The following CDH26 variants were observed in gnomAD, a reference collection of about 807,000 sequenced individuals.
The protein encoded by CDH26 is cadherin-like protein 26.
CDH26 carries 83 observed loss-of-function variants against 90.3 expected under a neutral mutation model. That is an observed-to-expected ratio of 0.92 (90% CI 0.77 to 1.10). CDH26 has a LOEUF of 1.10. Ranked by LOEUF, CDH26 falls within the 50% of genes least tolerant of loss-of-function variation. The pLI, the probability that CDH26 is intolerant of heterozygous loss-of-function variation, is 0.00. For synonymous variants in CDH26, 397 were observed against 396.3 expected (o/e 1.00, Z -0.02); for missense variants, 1,013 against 1,037.6 (o/e 0.98, Z 0.33).
chr20:59,976,904 G>C (rs1233320190), intron 4 of CDH26, among the ~76,000 whole-genome samples: 4 of 152,118 alleles, frequency 2.6e-5, no homozygotes, highest in Non-Finnish European at 4.4e-5. Context: ...GATGGAGAGA[G>C]TGTTGCCTAA....
Position 59,982,914 on chromosome 20 carries a change from G to C in CDH26, c.394-9G>C. The C allele has an allele frequency of 1.2e-6, 2 of 1,611,832 alleles. No individual in the cohort carries two copies. Among genetic ancestry groups the C allele is most frequent in the Non-Finnish European group, 1.7e-6 (2 of 1,178,928 alleles). ...TTCTGCAGGATTTTTACAGCTCTCT[G>C]CTTCCTAGGTTTATTTTGATGTTGT... On this transcript the variant is annotated splice_polypyrimidine_tract_variant and intron_variant, in intron 4 of 17. Coordinates refer to ENST00000348616, the MANE Select transcript of CDH26 (RefSeq NM_177980.4).
intron 7 of CDH26, among the ~76,000 whole-genome samples, chr20:60,021,865 C>CACACACACACACACACACAT (rs796833335): frequency 0.013 from 979 of 75,864 alleles, 44 homozygotes; most frequent in African/African-American, 0.032. Context: ...CACACACACA[C>CACACACACACACACACACAT]ACACACACAC....
intron 1 of CDH26, among the ~76,000 whole-genome samples, chr20:59,962,872 G>T (rs971074337): frequency 2.0e-5 from 3 of 152,174 alleles, no homozygotes; most frequent in African/African-American, 7.2e-5. Context: ...GAGTAGGTAA[G>T]TGTCTTTTGT....
chr20:60,010,792 T>C (rs774789607), intron 17 of CDH26, among the ~76,000 whole-genome samples: 4 of 152,154 alleles, frequency 2.6e-5, no homozygotes, highest in Non-Finnish European at 5.9e-5. Flanking sequence ...GCAGGGTGGC[T>C]TAATGCGCAG....
chr20:59,979,835 C>T (rs892069492), intron 4 of CDH26, among the ~76,000 whole-genome samples: 1 of 151,380 alleles, frequency 6.6e-6, no homozygotes, highest in Non-Finnish European at 1.5e-5. Flanking sequence ...CCATGTTGGC[C>T]AGGCTGGTCA....
chr20:60,033,740 C>T, exon 9 of CDH26: 1 of 1,247,714 alleles, frequency 8.0e-7, no homozygotes, highest in South Asian at 1.4e-5. Flanking sequence ...AAATGGCTTC[C>T]TGGAGGAGAT....
intron 15 of CDH26, among the ~76,000 whole-genome samples, chr20:60,001,882 A>G (rs2061681189): frequency 6.6e-6 from 1 of 152,192 alleles, no homozygotes; most frequent in African/African-American, 2.4e-5. Flanking sequence ...TTCTGAAATA[A>G]TTTTAGACTA....
rs748237337 is a variant in CDH26 at position 60,002,890 on chromosome 20, C to T, written c.2220+24C>T. ...CTGTAAGTATAGATGTAGGTGTTAC[C>T]GTGAACAAATTTACCTTATTGTTCT... is the stretch of plus-strand genomic sequence containing the variant. On this transcript the variant is annotated intron_variant, in intron 16 of 17. Coordinates refer to ENST00000348616, the MANE Select transcript of CDH26 (RefSeq NM_177980.4). 102 of 1,500,072 alleles carry T rather than the reference C, an allele frequency of 6.8e-5. No homozygotes were observed. In the South Asian group the frequency reaches 1.0e-3, roughly 15 times the overall value. The allele number at this position is 1,500,072 out of a possible 1,614,324, so 92.9% of individuals were successfully genotyped here.
At chr20:60,002,591 A>G (rs1388367874) in intron 15 of CDH26, among the ~76,000 whole-genome samples, 1 of 152,046 alleles carries the variant, frequency 6.6e-6, no homozygotes, top group African/African-American at 2.4e-5. Context: ...GTGTTAATGG[A>G]CCCAAGATAG....
At chr20:59,999,154 A>T (rs563733737) in intron 13 of CDH26, among the ~76,000 whole-genome samples, 2 of 152,298 alleles carry the variant, frequency 1.3e-5, no homozygotes, top group South Asian at 4.1e-4. Context: ...GGCCAACAGA[A>T]ATCCAGCACC....
intron 4 of CDH26, among the ~76,000 whole-genome samples, chr20:59,980,300 C>CT (rs111703680): frequency 0.31 from 44,992 of 146,494 alleles, 8,729 homozygotes; most frequent in African/African-American, 0.54. Context: ...TTGTTTTTGT[C>CT]TTTTTTTTTT....
chr20:59,993,321 A>G (rs2061550612), intron 10 of CDH26, among the ~76,000 whole-genome samples: 1 of 152,058 alleles, frequency 6.6e-6, no homozygotes, highest in Non-Finnish European at 1.5e-5. Context: ...GGTTACGTAG[A>G]TGAATTATGC....
intron 2 of CDH26, among the ~76,000 whole-genome samples, chr20:59,969,716 T>C (rs1253583726): frequency 6.6e-6 from 1 of 152,188 alleles, no homozygotes; most frequent in Non-Finnish European, 1.5e-5. Context: ...ATCAATAATT[T>C]CAGGAAGACT....
chr20:59,958,661 T>A lies in CDH26; in HGVS notation c.-66T>A. The A allele has an allele frequency of 6.6e-7, 1 of 1,510,700 alleles. No individual in the cohort carries two copies. Among genetic ancestry groups the A allele is most frequent in the South Asian group, 1.1e-5 (1 of 88,494 alleles). 93.6% of individuals were successfully genotyped at this position (1,510,700 alleles called of 1,614,324 possible). ...CTGAGAAGGAGGTGTGTGGCTCCGG[T>A]GAGACCACCAGCTTGGAGGACTGGT... On this transcript the variant is annotated 5_prime_UTR_variant, in exon 1 of 18. Coordinates refer to ENST00000348616, the MANE Select transcript of CDH26 (RefSeq NM_177980.4).
downstream of CDH26, chr20:60,014,585 A>G (rs2061889261): frequency 6.6e-6 from 1 of 152,164 alleles, no homozygotes; most frequent in African/African-American, 2.4e-5. Flanking sequence ...ATTTCTCTTA[A>G]CATAATGTCC....
rs750801653 is a variant in CDH26 at position 59,988,969 on chromosome 20, C to T, written c.1089C>T (p.Leu363=). 1 of 1,614,140 alleles carries T rather than the reference C, an allele frequency of 6.2e-7. No individual in the cohort carries two copies. Among genetic ancestry groups the T allele is most frequent in the Non-Finnish European group, 8.5e-7 (1 of 1,180,038 alleles). ...TTGTCGTGGAGAATGAGGAGAGGCT[C>T]GTCTTCTGTGAGAGAGGAAAGCTTC... ...LIIVVENEER[L]VFCERGKLQP... The change falls in exon 9 of 18, where the codon CTC becomes CTT. Residue 363 remains leucine, a synonymous_variant. Coordinates refer to ENST00000348616, the MANE Select transcript of CDH26 (RefSeq NM_177980.4).
At chr20:59,972,980 C>T (rs2061282137) in intron 4 of CDH26, among the ~76,000 whole-genome samples, 1 of 152,168 alleles carries the variant, frequency 6.6e-6, no homozygotes, top group Admixed American at 6.5e-5. Context: ...AATGAACATG[C>T]AAAGATGACT....
At chr20:60,020,322 G>T (rs925791565) in intron 7 of CDH26, among the ~76,000 whole-genome samples, 2 of 152,200 alleles carry the variant, frequency 1.3e-5, no homozygotes, top group Non-Finnish European at 2.9e-5. Context: ...CTGAGATGGG[G>T]GCACATGGTT....
exon 9 of CDH26, chr20:60,033,586 C>T (rs1159749921): frequency 7.7e-7 from 1 of 1,304,680 alleles, no homozygotes; most frequent in Admixed American, 2.3e-5. Flanking sequence ...GTGCGCATTC[C>T]CCATCACCCC....
Sources: allele counts gnomAD v4.1 joint callset (sites outside exome capture counted in the v4.1 genomes callset), GRCh38; gene constraint gnomAD v4.1.1; transcripts MANE v1.5; gene names NCBI Gene and HGNC (gene_info 2026-07-23, HGNC 2026-07-21).